Variants in DSCAM observed in about 807,000 individuals in gnomAD.
DSCAM encodes DS cell adhesion molecule.
A neutral mutation model predicts 217.7 loss-of-function variants in DSCAM; 47 were observed. The ratio of observed to expected loss-of-function variants is 0.22; its 90% CI spans 0.17 to 0.28. The LOEUF (loss-of-function observed/expected upper bound fraction) is 0.28, where lower values mean the gene tolerates loss of function less well. Among genes scored for constraint, DSCAM ranks in the 10% least tolerant of loss-of-function variants. The probability of loss-of-function intolerance (pLI) is 1.00; values close to 1 mark genes in which losing one functional copy is unlikely to be tolerated. For synonymous variants in DSCAM, 1,056 were observed against 1,015.3 expected, an observed-to-expected ratio of 1.04 and a Z score of -0.76; for missense variants, 2,080 against 2,618.3, an observed-to-expected ratio of 0.79 and a Z score of 4.49.
rs2089166120 is a variant in DSCAM, at chr21:40,063,907, C to A, written c.4889-1008G>T. On this transcript the variant is annotated intron_variant, in intron 27 of 32. Coordinates refer to ENST00000400454, the MANE Select transcript of DSCAM (RefSeq NM_001389.5). ...GCTTAGTTCGTTAAGTTGGCCAGTC[C>A]CAATGGTAACCCCAAGATGGGGCCT... is the stretch of plus-strand genomic sequence containing the variant. 2.6e-5 allele frequency among the ~76,000 whole-genome samples: 4 copies of A among 152,028 alleles called. No homozygotes were observed. In the South Asian group the frequency reaches 8.3e-4, roughly 32 times the overall value.
chr21:40,434,169 C>T (rs1365268474), intron 3 of DSCAM, among the ~76,000 whole-genome samples: 2 of 152,200 alleles, frequency 1.3e-5, no homozygotes, highest in East Asian at 1.9e-4. Context: ...CACATGATCA[C>T]GTGGTGGCAG....
In DSCAM at chr21:40,437,318, G is replaced by A. The variant is rs527484440; in HGVS notation, c.509-68073C>T. Among the ~76,000 whole-genome samples the A allele has an allele frequency of 4.6e-5, 7 of 152,204 alleles. No homozygotes were observed. The South Asian group carries it at 1.5e-3, about 32-fold the overall frequency. ...TCACAAGGGGGATTCAAGAAACTAAGCTCGGGGCTCCACCAAGGTGTCCAC... is the reference window on the plus strand; with the variant it reads ...TCACAAGGGGGATTCAAGAAACTAAACTCGGGGCTCCACCAAGGTGTCCAC... On this transcript the variant is annotated intron_variant, in intron 3 of 32. Coordinates refer to ENST00000400454, the MANE Select transcript of DSCAM (RefSeq NM_001389.5).
At chr21:40,430,886 A>T (rs765478543) in intron 3 of DSCAM, among the ~76,000 whole-genome samples, 2 of 152,222 alleles carry the variant, frequency 1.3e-5, no homozygotes, top group Non-Finnish European at 1.5e-5. Context: ...CTTTACCGGC[A>T]TTCTTCTTCT....
At chr21:40,737,144 A>C (rs117107025) in intron 1 of DSCAM, among the ~76,000 whole-genome samples, 162 of 152,286 alleles carry the variant, frequency 1.1e-3, no homozygotes, top group Non-Finnish European at 1.8e-3. Context: ...TCTTATTTTT[A>C]CTAATGGATT....
At chr21:40,101,099 A>G (rs1207485959) in intron 20 of DSCAM, among the ~76,000 whole-genome samples, 2 of 152,182 alleles carry the variant, frequency 1.3e-5, no homozygotes, top group Non-Finnish European at 2.9e-5. Context: ...ATTCCCTTCC[A>G]TGGCTTATTT....
At chr21:40,262,573 A>T (rs2073467721) in intron 11 of DSCAM, among the ~76,000 whole-genome samples, 1 of 152,214 alleles carries the variant, frequency 6.6e-6, no homozygotes, top group Admixed American at 6.5e-5. Context: ...GGTCCTACTT[A>T]CTTGAACCTT....
intron 3 of DSCAM, among the ~76,000 whole-genome samples, chr21:40,621,098 A>T (rs1433943684): frequency 6.6e-6 from 1 of 152,228 alleles, no homozygotes; most frequent in Non-Finnish European, 1.5e-5. Context: ...ATGACAAAAA[A>T]GGGGCACCAG....
chr21:40,752,133 A>G (rs960574927), intron 1 of DSCAM, among the ~76,000 whole-genome samples: 2 of 152,236 alleles, frequency 1.3e-5, no homozygotes, highest in Non-Finnish European at 2.9e-5. Flanking sequence ...GTACATGGTA[A>G]TAATAATCTA....
intron 1 of DSCAM, among the ~76,000 whole-genome samples, chr21:40,824,492 C>T (rs2091952993): frequency 6.7e-6 from 1 of 148,390 alleles, no homozygotes; most frequent in Admixed American, 6.7e-5. Context: ...TTTCTGCAAC[C>T]TCAACCTTCC....
chr21:40,492,819 A>C lies in DSCAM; in HGVS notation c.509-123574T>G, dbSNP rs111869563. Among the ~76,000 whole-genome samples the C allele has an allele frequency of 9.5e-3, 1,448 of 152,294 alleles. 12 individuals carry two copies. Among genetic ancestry groups the C allele is most frequent in the Non-Finnish European group, 0.015 (1,048 of 68,004 alleles). ...CTAAGAGGTAGAACACTTACTTAAAAAACTAATAGTATAAAACTTTCCAAA... is the reference window on the plus strand; with the variant it reads ...CTAAGAGGTAGAACACTTACTTAAACAACTAATAGTATAAAACTTTCCAAA... On this transcript the variant is annotated intron_variant, in intron 3 of 32. Coordinates refer to ENST00000400454, the MANE Select transcript of DSCAM (RefSeq NM_001389.5).
chr21:40,287,636 A>C (rs1308944902), intron 10 of DSCAM, among the ~76,000 whole-genome samples: 1 of 152,118 alleles, frequency 6.6e-6, no homozygotes, highest in African/African-American at 2.4e-5. Flanking sequence ...ATTTCTATGA[A>C]TCTCTCAACA....
At position 40,175,805 on chromosome 21, in the gene DSCAM, A is replaced by ACACACG. The variant is rs879840957; in HGVS notation, c.2947+3121_2947+3122insCGTGTG. On this transcript the variant is annotated intron_variant, in intron 15 of 32. Coordinates refer to ENST00000400454, the MANE Select transcript of DSCAM (RefSeq NM_001389.5). ...TACACACACACACACACACACACAC[A>ACACACG]CACGCACACACACACACACGCACAC... Among the ~76,000 whole-genome samples, 1,551 of 112,588 alleles carry ACACACG rather than the reference A, an allele frequency of 0.014. 48 individuals carry two copies. The East Asian group carries it at 0.15, about 11-fold the overall frequency. The allele number at this position is 112,588 out of a possible 152,430, so 73.9% of individuals were successfully genotyped here. A position where few individuals can be genotyped will look rare whatever the true frequency, so the allele number is the denominator to read the frequency against.
At chr21:40,751,711 G>T (rs897258473) in intron 1 of DSCAM, among the ~76,000 whole-genome samples, 1 of 152,100 alleles carries the variant, frequency 6.6e-6, no homozygotes, top group African/African-American at 2.4e-5. Flanking sequence ...GTGGGGACGT[G>T]ATTGGAGAGG....
chr21:40,362,243 G>T (rs956309090), intron 4 of DSCAM, among the ~76,000 whole-genome samples: 2 of 152,044 alleles, frequency 1.3e-5, no homozygotes, highest in African/African-American at 4.8e-5. Flanking sequence ...ACGTGTGCAT[G>T]TGTCTTTATA....
At chr21:40,779,500 T>C (rs984156919) in intron 1 of DSCAM, among the ~76,000 whole-genome samples, 1 of 152,224 alleles carries the variant, frequency 6.6e-6, no homozygotes, top group African/African-American at 2.4e-5. Context: ...GCGTATCAAA[T>C]TCAGGCACTA....
Position 40,054,534 on chromosome 21 carries a change from G to A in DSCAM, c.5035+1191C>T, listed in dbSNP as rs555735552. Among the ~76,000 whole-genome samples, 3 of 152,338 alleles carry A rather than the reference G, an allele frequency of 2.0e-5. No homozygotes were observed. The East Asian group carries it at 5.8e-4, about 29-fold the overall frequency. ...TCCCGGCAGGAGGCAGCTGGGCTAT[G>A]TGCTGAGAGTCAGGCAGTTTATCCA... On this transcript the variant is annotated intron_variant, in intron 29 of 32. Transcript: ENST00000400454.
intron 1 of DSCAM, among the ~76,000 whole-genome samples, chr21:40,720,119 C>G (rs994806719): frequency 2.0e-5 from 3 of 152,130 alleles, no homozygotes; most frequent in African/African-American, 7.2e-5. Flanking sequence ...AACAGGCTAT[C>G]GAATTTGCAA....
intron 6 of DSCAM, among the ~76,000 whole-genome samples, chr21:40,345,941 T>C (rs2074553523): frequency 6.6e-6 from 1 of 152,218 alleles, no homozygotes; most frequent in Admixed American, 6.5e-5. Context: ...CAGGCTCTTT[T>C]GGAGATGAAA....
intron 20 of DSCAM, among the ~76,000 whole-genome samples, chr21:40,110,166 C>T (rs942868035): frequency 3.9e-5 from 6 of 152,186 alleles, no homozygotes; most frequent in Non-Finnish European, 5.9e-5. Flanking sequence ...GAGGCACCCA[C>T]CAGTGGGGCA....
Sources: allele counts gnomAD v4.1 joint callset (sites outside exome capture counted in the v4.1 genomes callset), GRCh38; gene constraint gnomAD v4.1.1; transcripts MANE v1.5; gene names NCBI Gene and HGNC (gene_info 2026-07-23, HGNC 2026-07-21).